The following MDGA2 variants were observed in gnomAD, a reference collection of about 807,000 sequenced individuals.
MDGA2 encodes MAM domain-containing glycosylphosphatidylinositol anchor protein 2.
In MDGA2, 40 loss-of-function variants were observed where a neutral mutation model predicts 117.8. The ratio of observed to expected loss-of-function variants is 0.34; its 90% CI spans 0.26 to 0.44. The LOEUF (loss-of-function observed/expected upper bound fraction) is 0.44. Among genes scored for constraint, MDGA2 ranks in the 20% least tolerant of loss-of-function variants. MDGA2 has a pLI of 1.00. For missense variants in MDGA2, 1,123 were observed against 1,250.6 expected (o/e 0.90, Z 1.54); for synonymous variants, 452 against 439.0 (o/e 1.03, Z -0.37).
intron 1 of MDGA2, among the ~76,000 whole-genome samples, chr14:47,573,239 TAAC>T (rs1293511470): frequency 6.6e-6 from 1 of 152,190 alleles, no homozygotes; most frequent in Non-Finnish European, 1.5e-5. Context: ...TTGATTAAGA[TAAC>T]AACACTGAAG....
intron 1 of MDGA2, among the ~76,000 whole-genome samples, chr14:47,316,197 C>T (rs1889804902): frequency 6.6e-6 from 1 of 152,016 alleles, no homozygotes; most frequent in Admixed American, 6.6e-5. Context: ...TGGCTCATGG[C>T]ATTAACCATT....
intron 7 of MDGA2, among the ~76,000 whole-genome samples, chr14:47,051,895 A>C (rs1209980050): frequency 6.6e-6 from 1 of 151,936 alleles, no homozygotes; most frequent in Admixed American, 6.6e-5. Flanking sequence ...TAACTACATT[A>C]GTAGTGAACA....
intron 10 of MDGA2, among the ~76,000 whole-genome samples, chr14:46,900,634 T>C (rs1023148448): frequency 6.6e-6 from 1 of 152,158 alleles, no homozygotes; most frequent in African/African-American, 2.4e-5. Context: ...ATAATTCCAT[T>C]TCTGTAACAA....
intron 2 of MDGA2, among the ~76,000 whole-genome samples, chr14:47,240,329 C>T (rs1358744291): frequency 2.0e-5 from 3 of 151,912 alleles, no homozygotes; most frequent in South Asian, 2.1e-4. Flanking sequence ...CAGGTGTGAG[C>T]CACCACGCCC....
At chr14:46,978,858 A>C (rs1413774876) in intron 8 of MDGA2, among the ~76,000 whole-genome samples, 1 of 152,126 alleles carries the variant, frequency 6.6e-6, no homozygotes, top group Non-Finnish European at 1.5e-5. Flanking sequence ...AGTTTGCAAA[A>C]AGGTCATTTC....
At chr14:47,664,359 T>A (rs895945652) in intron 1 of MDGA2, among the ~76,000 whole-genome samples, 1 of 152,240 alleles carries the variant, frequency 6.6e-6, no homozygotes, top group African/African-American at 2.4e-5. Flanking sequence ...AGTCCTATTA[T>A]GAGGTTCAAC....
At chr14:47,589,197 A>G (rs1896389337) in intron 1 of MDGA2, among the ~76,000 whole-genome samples, 4 of 151,724 alleles carry the variant, frequency 2.6e-5, no homozygotes, top group Admixed American at 2.6e-4. Flanking sequence ...TAACAATCAC[A>G]CTCTATTTTT....
At chr14:47,290,702 A>G (rs1206804965) in intron 2 of MDGA2, among the ~76,000 whole-genome samples, 4 of 152,084 alleles carry the variant, frequency 2.6e-5, no homozygotes, top group Admixed American at 2.6e-4. Flanking sequence ...TACACTCCTC[A>G]TTGAGCTTGA....
At chr14:46,937,450 A>C (rs930558949) in intron 9 of MDGA2, among the ~76,000 whole-genome samples, 8 of 152,170 alleles carry the variant, frequency 5.3e-5, no homozygotes, top group African/African-American at 1.9e-4. Flanking sequence ...TTCTTCACAG[A>C]AATAGAAAAA....
intron 1 of MDGA2, among the ~76,000 whole-genome samples, chr14:47,387,483 T>C (rs965493836): frequency 6.6e-6 from 1 of 152,150 alleles, no homozygotes; most frequent in Non-Finnish European, 1.5e-5. Context: ...GTACCTCTTA[T>C]GCCCACACAA....
intron 8 of MDGA2, among the ~76,000 whole-genome samples, chr14:47,029,868 C>T (rs1888600285): frequency 2.0e-5 from 3 of 151,914 alleles, no homozygotes; most frequent in African/African-American, 7.3e-5. Flanking sequence ...TGCTCTGTCA[C>T]TCATGCTTGA....
At chr14:47,619,387 T>G (rs547078594) in intron 1 of MDGA2, among the ~76,000 whole-genome samples, 1 of 151,950 alleles carries the variant, frequency 6.6e-6, no homozygotes, top group Non-Finnish European at 1.5e-5. Context: ...GGATAGCTTA[T>G]TTTTTTGAAT....
At chr14:46,941,560 G>A (rs920839437) in intron 9 of MDGA2, among the ~76,000 whole-genome samples, 8 of 152,112 alleles carry the variant, frequency 5.3e-5, no homozygotes, top group African/African-American at 1.9e-4. Context: ...CAGACACCGG[G>A]AGGTTTGAGA....
At chr14:47,158,360 GT>G (rs1385414595) in intron 3 of MDGA2, among the ~76,000 whole-genome samples, 6 of 116,794 alleles carry the variant, frequency 5.1e-5, no homozygotes, top group African/African-American at 2.0e-4. Flanking sequence ...TATCCCTGGG[GT>G]GGGTGTGTGT....
In MDGA2 at chr14:46,865,181, T is replaced by C. The variant is rs543609520; in HGVS notation, c.2752+8252A>G. Reference sequence around the variant, plus strand: ...AAATCATGCAAAATACCATCTTTGCTTTCTCAATATCTTGTATAAAAATAT... The same window carrying C: ...AAATCATGCAAAATACCATCTTTGCCTTCTCAATATCTTGTATAAAAATAT... On this transcript the variant is annotated intron_variant, in intron 14 of 16. Transcript: ENST00000399232. 7.6e-4 allele frequency among the ~76,000 whole-genome samples: 115 copies of C among 152,240 alleles called. 3 individuals carry two copies. The South Asian group carries it at 0.022, about 29-fold the overall frequency.
chr14:47,544,961 C>A (rs1044256697), intron 1 of MDGA2, among the ~76,000 whole-genome samples: 6 of 152,066 alleles, frequency 3.9e-5, no homozygotes, highest in Non-Finnish European at 5.9e-5. Flanking sequence ...CAGAATGATA[C>A]CAAGGTAAGT....
Position 47,508,502 on chromosome 14 carries a change from G to A in MDGA2, c.280+166015C>T, listed in dbSNP as rs139055056. On this transcript the variant is annotated intron_variant, in intron 1 of 16. Coordinates refer to ENST00000399232, the MANE Select transcript of MDGA2 (RefSeq NM_001113498.3). ...GTTGTTATAAAAACAAAGTCTCCACGTATAAGTAAGAAAGGTTATTTGTTG... is the reference window on the plus strand; with the variant it reads ...GTTGTTATAAAAACAAAGTCTCCACATATAAGTAAGAAAGGTTATTTGTTG... Among the ~76,000 whole-genome samples the A allele has an allele frequency of 2.0e-5, 3 of 152,146 alleles. No individual in the cohort carries two copies. The East Asian group carries it at 5.8e-4, about 29-fold the overall frequency.
rs188186712 is a variant in MDGA2 at position 47,437,832 on chromosome 14, C to T, written c.281-136282G>A. Among the ~76,000 whole-genome samples, 132 of 152,244 alleles carry T rather than the reference C, an allele frequency of 8.7e-4. 2 individuals are homozygous for T. The highest frequency in any genetic ancestry group is 1.1e-3 in the Non-Finnish European group (72 of 68,012). On this transcript the variant is annotated intron_variant, in intron 1 of 16. Transcript: ENST00000399232. The stretch of plus-strand genomic sequence containing the variant: ...GCATATCCACTGTAGGAGTAATTTG[C>T]TGAATAAGCCTCATTAATGAGCTCT...
At chr14:47,672,364 C>T (rs1898090092) in intron 1 of MDGA2, among the ~76,000 whole-genome samples, 1 of 152,186 alleles carries the variant, frequency 6.6e-6, no homozygotes, top group African/African-American at 2.4e-5. Context: ...GCAGAACTGC[C>T]TCCTTGTTTA....
Sources: allele counts gnomAD v4.1 joint callset (sites outside exome capture counted in the v4.1 genomes callset), GRCh38; gene constraint gnomAD v4.1.1; transcripts MANE v1.5; gene names NCBI Gene and HGNC (gene_info 2026-07-23, HGNC 2026-07-21).